HNF4G: variants seen among roughly 807,000 people sequenced by gnomAD.
HNF4G encodes hepatocyte nuclear factor 4-gamma.
HNF4G carries 21 observed loss-of-function variants against 50.9 expected under a neutral mutation model. The ratio of observed to expected loss-of-function variants is 0.41; its 90% CI spans 0.29 to 0.59. HNF4G has a LOEUF of 0.59. Ranked by LOEUF, HNF4G falls within the 20% of genes least tolerant of loss-of-function variation. The pLI, the probability that HNF4G is intolerant of heterozygous loss-of-function variation, is 0.26. For synonymous variants in HNF4G, 198 were observed against 185.6 expected (o/e 1.07, Z -0.54); for missense variants, 527 against 559.4 (o/e 0.94, Z 0.58).
intron 2 of HNF4G, among the ~76,000 whole-genome samples, chr8:75,530,794 C>CTT (rs71567126): frequency 0.23 from 30,040 of 132,030 alleles, 4,068 homozygotes; most frequent in Non-Finnish European, 0.28. Context: ...GTTCAATGTG[C>CTT]TTTTTTTTTT....
At chr8:75,494,625 T>C (rs1359225864) in intron 2 of HNF4G, among the ~76,000 whole-genome samples, 1 of 152,132 alleles carries the variant, frequency 6.6e-6, no homozygotes, top group Non-Finnish European at 1.5e-5. Flanking sequence ...TATTGTGGTT[T>C]ATTAGTTCTT....
intron 1 of HNF4G, among the ~76,000 whole-genome samples, chr8:75,420,912 T>A (rs531706386): frequency 6.6e-6 from 1 of 152,212 alleles, no homozygotes; most frequent in African/African-American, 2.4e-5. Flanking sequence ...TAATTATTTT[T>A]GTTTAGATTA....
At chr8:75,521,816 ATG>A (rs1806050474) in intron 2 of HNF4G, among the ~76,000 whole-genome samples, 1 of 152,102 alleles carries the variant, frequency 6.6e-6, no homozygotes, top group Non-Finnish European at 1.5e-5. Flanking sequence ...AGTCCATTGC[ATG>A]TCTCTTTTAA....
chr8:75,417,622 A>G (rs1183213576), intron 1 of HNF4G, among the ~76,000 whole-genome samples: 2 of 152,174 alleles, frequency 1.3e-5, no homozygotes, highest in Non-Finnish European at 2.9e-5. Flanking sequence ...AAATAAGGTA[A>G]TTTTATTTTT....
At chr8:75,443,416 A>G (rs183582508) in intron 1 of HNF4G, among the ~76,000 whole-genome samples, 4 of 152,372 alleles carry the variant, frequency 2.6e-5, no homozygotes, top group African/African-American at 7.2e-5. Context: ...TGCAATAATT[A>G]TATGACAAAA....
At position 75,543,861 on chromosome 8, in the gene HNF4G, T is replaced by C; in HGVS notation, c.169T>C (p.Cys57Arg). 1.9e-6 allele frequency: 3 copies of C among 1,613,834 alleles called. No homozygotes were observed. Among genetic ancestry groups the C allele is most frequent in the Non-Finnish European group, 1.7e-6 (2 of 1,179,828 alleles). ...SMNTTDNGVN[C>R]LCAICGDRAT... ...GAATACCACAGACAACGGTGTCAAC[T>C]GTCTGTGTGCTATCTGTGGGGACAG... The change falls in exon 2 of 10, where the codon TGT (cysteine) becomes CGT (arginine). Residue 57 changes from cysteine (C) to arginine (R), a missense_variant. Cys to Arg is a radical substitution (Grantham distance 180). Around this residue, in one of 5 missense-constraint regions of HNF4G, gnomAD observed 84 missense variants for 87.1 expected, o/e 0.96. Coordinates refer to ENST00000396423, the MANE Select transcript of HNF4G (RefSeq NM_004133.5).
chr8:75,544,229 C>T (rs1348283887), intron 2 of HNF4G, among the ~76,000 whole-genome samples: 1 of 152,080 alleles, frequency 6.6e-6, no homozygotes, highest in Non-Finnish European at 1.5e-5. Flanking sequence ...CCAGCTTAGA[C>T]CAATATAGTT....
chr8:75,544,672 C>A (rs1002232745), intron 2 of HNF4G, among the ~76,000 whole-genome samples: 6 of 150,246 alleles, frequency 4.0e-5, no homozygotes, highest in Admixed American at 1.3e-4. Context: ...TGATTAATAC[C>A]TAGTCAACAT....
intron 2 of HNF4G, among the ~76,000 whole-genome samples, chr8:75,492,539 G>A (rs761611137): frequency 1.4e-4 from 21 of 152,148 alleles, no homozygotes; most frequent in Non-Finnish European, 1.8e-4. Flanking sequence ...CACCAATAAT[G>A]ATGGCCTTCA....
intron 1 of HNF4G, among the ~76,000 whole-genome samples, chr8:75,434,865 A>G (rs1811100306): frequency 6.6e-6 from 1 of 152,248 alleles, no homozygotes; most frequent in Non-Finnish European, 1.5e-5. Context: ...ATAACATTTG[A>G]AGAAATAGAA....
chr8:75,542,263 C>T (rs1206572245), intron 1 of HNF4G, among the ~76,000 whole-genome samples: 1 of 151,940 alleles, frequency 6.6e-6, no homozygotes, highest in Non-Finnish European at 1.5e-5. Context: ...TAGGACTGCA[C>T]CACTGCAGTC....
At position 75,543,881 on chromosome 8, in the gene HNF4G, G is replaced by A; in HGVS notation, c.189G>A (p.Gly63=). 2 of 1,613,674 alleles carry A rather than the reference G, an allele frequency of 1.2e-6. No individual in the cohort carries two copies. The highest frequency in any genetic ancestry group is 1.1e-5 in the South Asian group (1 of 91,022). Reference sequence around the variant, plus strand: ...TCAACTGTCTGTGTGCTATCTGTGGGGACAGAGCAACAGGAAAACACTATG... The same window carrying A: ...TCAACTGTCTGTGTGCTATCTGTGGAGACAGAGCAACAGGAAAACACTATG... ...NGVNCLCAIC[G]DRATGKHYGA... Residue 63 remains glycine (G), a synonymous_variant, in exon 2 of 10, where the codon GGG becomes GGA. Transcript: ENST00000396423.
In HNF4G at chr8:75,425,405, A is replaced by C. The variant is rs7832005; in HGVS notation, c.-144+17243A>C. On this transcript the variant is annotated intron_variant, in intron 1 of 10. Coordinates refer to the HNF4G transcript ENST00000354370. Reference sequence around the variant, plus strand: ...AGCCCAATGCAGCTTTTAAAAAATCAACTTATCTAGTATTAACTTCCAGAA... The same window carrying C: ...AGCCCAATGCAGCTTTTAAAAAATCCACTTATCTAGTATTAACTTCCAGAA... Among the ~76,000 whole-genome samples the C allele has an allele frequency of 7.8e-3, 1,175 of 151,568 alleles. 19 individuals are homozygous for C. Among genetic ancestry groups the C allele is most frequent in the African/African-American group, 0.026 (1,082 of 41,298 alleles).
At chr8:75,470,777 AT>A (rs962514009) in intron 1 of HNF4G, among the ~76,000 whole-genome samples, 6 of 152,076 alleles carry the variant, frequency 3.9e-5, no homozygotes, top group African/African-American at 1.2e-4. Flanking sequence ...CCTGTTTTCT[AT>A]TTTTTTGTCC....
chr8:75,484,678 C>T (rs1289852670), intron 1 of HNF4G, among the ~76,000 whole-genome samples: 2 of 152,134 alleles, frequency 1.3e-5, no homozygotes, highest in African/African-American at 4.8e-5. Context: ...TCTGTCCTCC[C>T]CAATAGACTA....
intron 2 of HNF4G, among the ~76,000 whole-genome samples, chr8:75,503,443 A>G (rs945053416): frequency 6.6e-6 from 1 of 152,228 alleles, no homozygotes; most frequent in African/African-American, 2.4e-5. Flanking sequence ...AGTTGGGTGT[A>G]CAGTGTCTCT....
chr8:75,460,605 T>A (rs1408805462), intron 1 of HNF4G, among the ~76,000 whole-genome samples: 2 of 152,186 alleles, frequency 1.3e-5, no homozygotes, highest in Admixed American at 6.5e-5. Flanking sequence ...GACAATATTA[T>A]GTGGGTGGAA....
chr8:75,495,694 G>A (rs1211200861), intron 2 of HNF4G, among the ~76,000 whole-genome samples: 1 of 151,782 alleles, frequency 6.6e-6, no homozygotes, highest in Non-Finnish European at 1.5e-5. Flanking sequence ...CGTCCCACCA[G>A]GCCTGGCTAA....
chr8:75,557,100 C>T (rs1424400558), intron 6 of HNF4G, among the ~76,000 whole-genome samples: 1 of 152,118 alleles, frequency 6.6e-6, no homozygotes, highest in African/African-American at 2.4e-5. Context: ...TTCTAGTAAA[C>T]ATCTAGAATA....
Sources: allele counts gnomAD v4.1 joint callset (sites outside exome capture counted in the v4.1 genomes callset), GRCh38; gene constraint gnomAD v4.1.1; regional missense constraint gnomAD v4.1.1; transcripts MANE v1.5; gene names NCBI Gene and HGNC (gene_info 2026-07-23, HGNC 2026-07-21).